BRAF: variants seen among roughly 807,000 people sequenced by gnomAD.
BRAF encodes serine/threonine-protein kinase B-raf.
A neutral mutation model predicts 104.6 loss-of-function variants in BRAF; 16 were observed. The ratio of observed to expected loss-of-function variants is 0.15; its 90% confidence interval spans 0.10 to 0.23. The LOEUF is 0.23. BRAF is among the 10% of genes least tolerant of loss of function. The pLI is 1.00. For missense variants in BRAF, 541 were observed against 937.3 expected, an observed-to-expected ratio of 0.58 and a Z score of 5.52; for synonymous variants, 310 against 341.6, an observed-to-expected ratio of 0.91 and a Z score of 1.02.
At chr7:140,762,084 A>G (rs1411458937) in intron 14 of BRAF, among the ~76,000 whole-genome samples, 1 of 152,192 alleles carries the variant, frequency 6.6e-6, no homozygotes, top group East Asian at 1.9e-4. Context: ...AACAGAATAT[A>G]CATTTTTTTC....
At chr7:140,880,025 C>A (rs73502717) in intron 1 of BRAF, among the ~76,000 whole-genome samples, 14,778 of 152,102 alleles carry the variant, frequency 0.097, 776 homozygotes, top group South Asian at 0.19. Context: ...AGCTACCGTG[C>A]CCGGCCGGCA....
intron 16 of BRAF, among the ~76,000 whole-genome samples, chr7:140,752,825 G>A (rs1797894340): frequency 6.6e-6 from 1 of 151,910 alleles, no homozygotes; most frequent in Admixed American, 6.6e-5. Context: ...CCATAATAAT[G>A]GCTGTGGATC....
intron 4 of BRAF, chr7:140,808,268 G>A: frequency 1.7e-6 from 1 of 577,214 alleles, no homozygotes; most frequent in Non-Finnish European, 3.2e-6. Context: ...TGGACAAACA[G>A]CAGGGTAAAG....
chr7:140,789,283 C>T (rs1240842581), intron 8 of BRAF, among the ~76,000 whole-genome samples: 2 of 151,976 alleles, frequency 1.3e-5, no homozygotes, highest in Non-Finnish European at 2.9e-5. Flanking sequence ...ACAGTCGCTA[C>T]TGGTAATGCA....
intron 5 of BRAF, among the ~76,000 whole-genome samples, chr7:140,805,024 G>T (rs1283355413): frequency 6.6e-6 from 1 of 151,882 alleles, no homozygotes; most frequent in African/African-American, 2.4e-5. Flanking sequence ...GGCTGGTCTT[G>T]AACTCTTGGG....
intron 2 of BRAF, among the ~76,000 whole-genome samples, chr7:140,841,029 A>G (rs970915126): frequency 6.6e-6 from 1 of 151,990 alleles, no homozygotes; most frequent in Non-Finnish European, 1.5e-5. Flanking sequence ...GAACTCTTAC[A>G]ACTCAGTAAT....
In BRAF at chr7:140,850,345, G is replaced by C. The variant is rs1286975530; in HGVS notation, c.139-133C>G. ...TTGAGCTTAGAGATCATTTAGTACA[G>C]TGGTTTTTCTCTTTTATTATGAAAC... is the stretch of plus-strand genomic sequence containing the variant. On this transcript the variant is annotated intron_variant, in intron 1 of 19. Transcript: ENST00000644969. The C allele has an allele frequency of 1.1e-5, 7 of 646,140 alleles. No individual in the cohort carries two copies. In the African/African-American group the frequency reaches 1.1e-4, roughly 10 times the overall value. The allele number at this position is 646,140 out of a possible 1,614,324, so 40.0% of individuals were successfully genotyped here.
At chr7:140,736,864 C>A (rs2130883540) in intron 18 of BRAF, among the ~76,000 whole-genome samples, 1 of 152,112 alleles carries the variant, frequency 6.6e-6, no homozygotes, top group African/African-American at 2.4e-5. Context: ...TAGTGAGAAT[C>A]TATCTCTACA....
In BRAF at chr7:140,808,174, G is replaced by A. The variant is rs571138333; in HGVS notation, c.609-112C>T. On this transcript the variant is annotated intron_variant, in intron 4 of 19. Transcript: ENST00000644969. The stretch of plus-strand genomic sequence containing the variant: ...CGAGGGGCTAGTAACAGTGAGGGAG[G>A]TTTGGCTCCCTAATATTCCATCGTT... 8.7e-6 allele frequency: 7 copies of A among 803,346 alleles called. 1 individual carries two copies. In the South Asian group the frequency reaches 9.9e-5, roughly 11 times the overall value. The allele number at this position is 803,346 out of a possible 1,614,324, so 49.8% of individuals were successfully genotyped here. A position where few individuals can be genotyped will look rare whatever the true frequency, so the allele number is the denominator to read the frequency against.
At chr7:140,773,926 T>A (rs1338267196) in intron 14 of BRAF, among the ~76,000 whole-genome samples, 1 of 152,050 alleles carries the variant, frequency 6.6e-6, no homozygotes, top group Non-Finnish European at 1.5e-5. Flanking sequence ...GTCCATGCTT[T>A]AAAAAAAATT....
chr7:140,798,272 C>CTTTTTTTCTTTTT (rs1554402874), intron 7 of BRAF, among the ~76,000 whole-genome samples: 1 of 115,624 alleles, frequency 8.6e-6, no homozygotes. Flanking sequence ...CTTTTTTTTT[C>CTTTTTTTCTTTTT]TTTTTTTTGA....
intron 1 of BRAF, among the ~76,000 whole-genome samples, chr7:140,916,673 G>A (rs989190888): frequency 6.6e-6 from 1 of 152,102 alleles, no homozygotes; most frequent in Non-Finnish European, 1.5e-5. Flanking sequence ...ATTAATTTTG[G>A]TTGCAACTTT....
intron 1 of BRAF, among the ~76,000 whole-genome samples, chr7:140,871,044 G>A (rs973696817): frequency 9.9e-5 from 15 of 151,706 alleles, no homozygotes; most frequent in African/African-American, 3.4e-4. Flanking sequence ...TGGCTAACAC[G>A]GTGAAGCCCT....
intron 5 of BRAF, among the ~76,000 whole-genome samples, chr7:140,807,442 T>A (rs947863101): frequency 2.0e-5 from 3 of 151,670 alleles, no homozygotes; most frequent in East Asian, 1.9e-4. Context: ...TATACTGACA[T>A]GAAAAGATGT....
chr7:140,787,435 C>A, intron 9 of BRAF, 113 bp downstream of exon 9: 2 of 1,172,552 alleles, frequency 1.7e-6, no homozygotes, highest in East Asian at 2.4e-5. Context: ...TTGGGTTTCT[C>A]TACACATTTT....
At chr7:140,768,047 T>C (rs1799496088) in intron 14 of BRAF, among the ~76,000 whole-genome samples, 2 of 152,196 alleles carry the variant, frequency 1.3e-5, no homozygotes, top group South Asian at 2.1e-4. Flanking sequence ...TAGAGATATT[T>C]AAGAGTAAAA....
the BRAF span, among the ~76,000 whole-genome samples, chr7:140,714,092 C>T: frequency 1.3e-5 from 2 of 152,160 alleles, no homozygotes; most frequent in African/African-American, 4.8e-5. Flanking sequence ...GTTCTCAGAT[C>T]TCAAGCTACA....
intron 14 of BRAF, among the ~76,000 whole-genome samples, chr7:140,766,727 T>A (rs1323739183): frequency 1.3e-5 from 2 of 152,122 alleles, no homozygotes; most frequent in Non-Finnish European, 2.9e-5. Flanking sequence ...ATTTTTGTAT[T>A]TTTTGTAGAG....
intron 14 of BRAF, among the ~76,000 whole-genome samples, chr7:140,759,383 T>C (rs1388632618): frequency 1.3e-4 from 20 of 152,318 alleles, no homozygotes. Context: ...CTGGTTCTGA[T>C]TATAGGTTAT....
Sources: allele counts gnomAD v4.1 joint callset (sites outside exome capture counted in the v4.1 genomes callset), GRCh38; gene constraint gnomAD v4.1.1; transcripts MANE v1.5; gene names NCBI Gene and HGNC (gene_info 2026-07-23, HGNC 2026-07-21).